The following RIMS2 variants were observed in gnomAD, a reference collection of about 807,000 sequenced individuals.
The protein encoded by RIMS2 is regulating synaptic membrane exocytosis 2.
A neutral mutation model predicts 174.4 loss-of-function variants in RIMS2; 59 were observed. The ratio of observed to expected loss-of-function variants is 0.34; its 90% CI spans 0.27 to 0.42. RIMS2 has a LOEUF of 0.42. Among genes scored for constraint, RIMS2 ranks in the 10% least tolerant of loss-of-function variants. The pLI is 1.00. For synonymous variants in RIMS2, 606 were observed against 572.5 expected, an observed-to-expected ratio of 1.06 and a Z score of -0.84; for missense variants, 1,620 against 1,666.3, an observed-to-expected ratio of 0.97 and a Z score of 0.48.
chr8:103,960,208 G>T (rs977304273), intron 14 of RIMS2, among the ~76,000 whole-genome samples: 1 of 152,156 alleles, frequency 6.6e-6, no homozygotes. Context: ...GTTTTTATAT[G>T]CAATAATTTC....
At chr8:103,865,622 T>C (rs1281045259) in intron 3 of RIMS2, among the ~76,000 whole-genome samples, 1 of 152,116 alleles carries the variant, frequency 6.6e-6, no homozygotes, top group African/African-American at 2.4e-5. Flanking sequence ...GCTACCTTCA[T>C]TTCCTGATAA....
At chr8:103,810,544 C>CT (rs1453425499) in intron 3 of RIMS2, among the ~76,000 whole-genome samples, 2 of 151,880 alleles carry the variant, frequency 1.3e-5, no homozygotes, top group Non-Finnish European at 2.9e-5. Context: ...ATTGTTATAC[C>CT]TTTATGTAGA....
chr8:104,023,459 T>C (rs1355106272), intron 19 of RIMS2, among the ~76,000 whole-genome samples: 2 of 152,106 alleles, frequency 1.3e-5, no homozygotes, highest in Admixed American at 1.3e-4. Flanking sequence ...TGAATAGATA[T>C]TGAAGATAGA....
chr8:104,035,038 C>T (rs2096486425), intron 19 of RIMS2, among the ~76,000 whole-genome samples: 1 of 152,110 alleles, frequency 6.6e-6, no homozygotes, highest in African/African-American at 2.4e-5. Context: ...TTTGCCTATT[C>T]TCCAAAATTA....
intron 1 of RIMS2, among the ~76,000 whole-genome samples, chr8:103,644,887 A>G (rs1429442529): frequency 6.6e-6 from 1 of 151,910 alleles, no homozygotes; most frequent in East Asian, 1.9e-4. Context: ...TTTATGATAA[A>G]AACTTGTCAC....
At chr8:103,518,976 T>C (rs1384687696) in intron 1 of RIMS2, among the ~76,000 whole-genome samples, 1 of 152,182 alleles carries the variant, frequency 6.6e-6, no homozygotes, top group Non-Finnish European at 1.5e-5. Flanking sequence ...TTCTATTGCT[T>C]TGAATAAAAT....
chr8:103,993,613 A>C (rs1299155666), intron 17 of RIMS2, among the ~76,000 whole-genome samples: 1 of 152,236 alleles, frequency 6.6e-6, no homozygotes, highest in Non-Finnish European at 1.5e-5. Flanking sequence ...TTCACTTTAC[A>C]AAAATAATAT....
At chr8:103,955,505 G>T (rs986534242) in intron 14 of RIMS2, among the ~76,000 whole-genome samples, 1 of 152,056 alleles carries the variant, frequency 6.6e-6, no homozygotes, top group Admixed American at 6.5e-5. Context: ...AAAACCACAT[G>T]ATTATCTCAA....
chr8:103,587,406 AAAG>A lies in RIMS2; in HGVS notation c.176+86350_176+86352del, dbSNP rs1423098803. ...AAACCAAAGACACATCAGGAAGAAA[AAAG>A]AAGAAAGAAAGAAAGAAAGAAAGAA... On this transcript the variant is annotated intron_variant, in intron 1 of 23. Transcript: ENST00000504942. Among the ~76,000 whole-genome samples the A allele has an allele frequency of 9.1e-5, 13 of 142,910 alleles. No individual in the cohort carries two copies. In the East Asian group the frequency reaches 1.9e-3, roughly 20 times the overall value. 93.8% of individuals were successfully genotyped at this position (142,910 alleles called of 152,430 possible). A position where few individuals can be genotyped will look rare whatever the true frequency, so the allele number is the denominator to read the frequency against.
At chr8:103,650,106 T>G (rs1045736983) in intron 1 of RIMS2, among the ~76,000 whole-genome samples, 1 of 152,196 alleles carries the variant, frequency 6.6e-6, no homozygotes, top group African/African-American at 2.4e-5. Context: ...TGGGTTTTTA[T>G]GGGGTCTTTT....
At chr8:104,033,938 T>C (rs1190323811) in intron 19 of RIMS2, among the ~76,000 whole-genome samples, 1 of 152,178 alleles carries the variant, frequency 6.6e-6, no homozygotes, top group African/African-American at 2.4e-5. Flanking sequence ...GTTATTTCTC[T>C]TATGTTTAAG....
At chr8:103,587,618 A>T (rs748540187) in intron 1 of RIMS2, among the ~76,000 whole-genome samples, 2 of 152,058 alleles carry the variant, frequency 1.3e-5, no homozygotes, top group African/African-American at 2.4e-5. Context: ...AACGTACACA[A>T]ATCAGTGTGA....
intron 19 of RIMS2, among the ~76,000 whole-genome samples, chr8:104,125,610 G>T (rs985240810): frequency 6.6e-6 from 1 of 152,026 alleles, no homozygotes; most frequent in Non-Finnish European, 1.5e-5. Context: ...TATTACTACA[G>T]GAGATATCTT....
At chr8:103,594,062 A>C (rs1238963342) in intron 1 of RIMS2, among the ~76,000 whole-genome samples, 1 of 151,624 alleles carries the variant, frequency 6.6e-6, no homozygotes, top group Non-Finnish European at 1.5e-5. Flanking sequence ...ATATATTTGC[A>C]ACCTCAAAAT....
intron 1 of RIMS2, among the ~76,000 whole-genome samples, chr8:103,564,529 T>A (rs968011838): frequency 2.6e-5 from 4 of 152,180 alleles, no homozygotes; most frequent in Non-Finnish European, 5.9e-5. Context: ...CAGTGCAGCC[T>A]TCAGTCTGTG....
At chr8:104,090,514 A>C (rs2097631953) in intron 19 of RIMS2, among the ~76,000 whole-genome samples, 1 of 151,732 alleles carries the variant, frequency 6.6e-6, no homozygotes, top group East Asian at 1.9e-4. Flanking sequence ...ATTGGACAAA[A>C]ACCAATCAGG....
chr8:104,067,379 A>G (rs892092480), intron 19 of RIMS2, among the ~76,000 whole-genome samples: 6 of 152,150 alleles, frequency 3.9e-5, no homozygotes, highest in Non-Finnish European at 7.4e-5. Context: ...ATATTCCTAT[A>G]ACTTTCCTTT....
intron 19 of RIMS2, among the ~76,000 whole-genome samples, chr8:104,083,744 TGTA>T (rs1299572644): frequency 6.6e-6 from 1 of 152,126 alleles, no homozygotes. Flanking sequence ...TGAAATTGTA[TGTA>T]TGTATCAGAA....
At chr8:103,593,840 A>AT (rs2094371733) in intron 1 of RIMS2, among the ~76,000 whole-genome samples, 1 of 151,330 alleles carries the variant, frequency 6.6e-6, no homozygotes, top group Non-Finnish European at 1.5e-5. Flanking sequence ...ATAAATAGAA[A>AT]ATTTAATTTC....
Sources: allele counts gnomAD v4.1 joint callset (sites outside exome capture counted in the v4.1 genomes callset), GRCh38; gene constraint gnomAD v4.1.1; transcripts MANE v1.5; gene names NCBI Gene and HGNC (gene_info 2026-07-23, HGNC 2026-07-21).